DEPDC1B: variants seen among roughly 807,000 people sequenced by gnomAD.
The protein encoded by DEPDC1B is DEP domain containing 1B, also known as DEP domain-containing protein 1B.
DEPDC1B carries 51 observed loss-of-function variants against 66.5 expected under a neutral mutation model. The observed-to-expected ratio is 0.77, with a 90% CI of 0.61 to 0.97. The LOEUF is 0.97. Among genes scored for constraint, DEPDC1B ranks in the 50% least tolerant of loss-of-function variants. The pLI, the probability that DEPDC1B is intolerant of heterozygous loss-of-function variation, is 0.00. For missense variants in DEPDC1B, 552 were observed against 637.1 expected (o/e 0.87, Z 1.44); for synonymous variants, 226 against 223.6 (o/e 1.01, Z -0.10).
At chr5:60,696,181 T>C (rs551262440) in intron 1 of DEPDC1B, among the ~76,000 whole-genome samples, 1 of 152,336 alleles carries the variant, frequency 6.6e-6, no homozygotes, top group East Asian at 1.9e-4. Flanking sequence ...CAGCATGAGC[T>C]TTCAATTCAT....
intron 8 of DEPDC1B, among the ~76,000 whole-genome samples, chr5:60,605,179 T>C (rs1163136291): frequency 1.3e-5 from 2 of 152,198 alleles, no homozygotes; most frequent in Admixed American, 6.5e-5. Context: ...AAATAGATGT[T>C]GGTCAAAGGG....
Position 60,700,033 on chromosome 5 carries a change from C to T in DEPDC1B, c.48+13G>A, listed in dbSNP as rs1285140549. The T allele has an allele frequency of 1.9e-6, 3 of 1,552,974 alleles. No individual in the cohort carries two copies. In the South Asian group the frequency reaches 3.6e-5, roughly 18 times the overall value. On this transcript the variant is annotated intron_variant, in intron 1 of 10. Coordinates refer to ENST00000265036, the MANE Select transcript of DEPDC1B (RefSeq NM_018369.3). ...ACCGGGTGCTCCGCCCAGGCCCCAG[C>T]ACACTCACTCACCAGCCTGGTAGCT... is the stretch of plus-strand genomic sequence containing the variant.
intron 3 of DEPDC1B, among the ~76,000 whole-genome samples, chr5:60,647,184 C>A (rs1238181122): frequency 2.0e-5 from 3 of 151,342 alleles, no homozygotes; most frequent in African/African-American, 7.3e-5. Flanking sequence ...CTGCCCTAAA[C>A]AATACAGTAC....
At chr5:60,643,783 G>A (rs1753244949) in intron 5 of DEPDC1B, among the ~76,000 whole-genome samples, 2 of 152,080 alleles carry the variant, frequency 1.3e-5, no homozygotes, top group African/African-American at 4.8e-5. Flanking sequence ...AACTCATAAA[G>A]TCACCACAAA....
intron 10 of DEPDC1B, 43 bp from the exon 11 acceptor site, chr5:60,597,957 A>G: frequency 6.7e-7 from 1 of 1,493,090 alleles, no homozygotes; most frequent in Non-Finnish European, 8.9e-7. Context: ...AAAGACACAT[A>G]AAAGCCAATA....
At chr5:60,660,065 G>A (rs965617049) in intron 2 of DEPDC1B, among the ~76,000 whole-genome samples, 3 of 152,108 alleles carry the variant, frequency 2.0e-5, no homozygotes, top group Non-Finnish European at 2.9e-5. Context: ...ACAGGGAGGC[G>A]CGTATTCCTA....
chr5:60,623,374 T>G (rs1752749596), intron 7 of DEPDC1B, among the ~76,000 whole-genome samples: 1 of 152,122 alleles, frequency 6.6e-6, no homozygotes. Flanking sequence ...TCAATATACT[T>G]TACAGGAAGA....
At chr5:60,644,929 C>A in intron 4 of DEPDC1B, 54 bp from the exon 5 acceptor site, 2 of 1,376,428 alleles carry the variant, frequency 1.5e-6, no homozygotes, top group African/African-American at 3.0e-5. Context: ...TATATTTACT[C>A]AAAAACCTGG....
At position 60,667,884 on chromosome 5, in the gene DEPDC1B, T is replaced by TATATAAAAA. The variant is rs1184840468; in HGVS notation, c.314+19077_314+19078insTTTTTATAT. Among the ~76,000 whole-genome samples the TATATAAAAA allele has an allele frequency of 2.0e-4, 18 of 88,252 alleles. 6 individuals are homozygous for TATATAAAAA. Among genetic ancestry groups the TATATAAAAA allele is most frequent in the Non-Finnish European group, 3.4e-4 (15 of 43,502 alleles). 57.9% of individuals were successfully genotyped at this position (88,252 alleles called of 152,430 possible). A position where few individuals can be genotyped will look rare whatever the true frequency, so the allele number is the denominator to read the frequency against. ...ATGTAAAAAATGGATATTTTACATA[T>TATATAAAAA]ATGTAAAAAATGGATATTTTATATA... On this transcript the variant is annotated intron_variant, in intron 2 of 10. Transcript: ENST00000265036.
chr5:60,681,891 C>T (rs1227539976), intron 2 of DEPDC1B, among the ~76,000 whole-genome samples: 1 of 151,618 alleles, frequency 6.6e-6, no homozygotes, highest in Non-Finnish European at 1.5e-5. Flanking sequence ...GCTATAGGTA[C>T]ACACCACCAC....
At chr5:60,654,713 G>A (rs982772687) in intron 2 of DEPDC1B, among the ~76,000 whole-genome samples, 1 of 148,662 alleles carries the variant, frequency 6.7e-6, no homozygotes, top group African/African-American at 2.5e-5. Flanking sequence ...CCAGTTCTCA[G>A]GGGGAATGCT....
At chr5:60,616,038 G>T (rs182088429) in intron 7 of DEPDC1B, among the ~76,000 whole-genome samples, 1 of 152,194 alleles carries the variant, frequency 6.6e-6, no homozygotes, top group African/African-American at 2.4e-5. Context: ...ACAGGGTCTG[G>T]AGTGGACCTC....
intron 5 of DEPDC1B, among the ~76,000 whole-genome samples, chr5:60,643,611 TCTTA>T (rs1753240634): frequency 6.6e-6 from 1 of 152,248 alleles, no homozygotes; most frequent in African/African-American, 2.4e-5. Context: ...TTTCTTAAGA[TCTTA>T]CTTAATAAAA....
At chr5:60,639,466 T>A (rs1584054088) in intron 6 of DEPDC1B, among the ~76,000 whole-genome samples, 1 of 152,372 alleles carries the variant, frequency 6.6e-6, no homozygotes, top group East Asian at 1.9e-4. Context: ...TTATATTTTG[T>A]CTTAATTCAC....
At chr5:60,677,324 A>ACTCTCTCTCTCTCTCTCTCT (rs753946184) in intron 2 of DEPDC1B, among the ~76,000 whole-genome samples, 1 of 78,792 alleles carries the variant, frequency 1.3e-5, no homozygotes, top group African/African-American at 6.7e-5. Context: ...ACACACACAC[A>ACTCTCTCTCTCTCTCTCTCT]CACTCTCTCT....
intron 1 of DEPDC1B, among the ~76,000 whole-genome samples, chr5:60,690,884 T>C (rs1008226180): frequency 6.6e-6 from 1 of 152,188 alleles, no homozygotes; most frequent in African/African-American, 2.4e-5. Context: ...TCTTTTATTT[T>C]TGATGGCTAA....
At chr5:60,642,181 G>C (rs1753206287) in intron 6 of DEPDC1B, among the ~76,000 whole-genome samples, 1 of 152,168 alleles carries the variant, frequency 6.6e-6, no homozygotes, top group Admixed American at 6.5e-5. Flanking sequence ...TGGTATCTGT[G>C]AGACTCAAAA....
At chr5:60,633,960 T>C (rs1437804687) in intron 7 of DEPDC1B, among the ~76,000 whole-genome samples, 1 of 152,136 alleles carries the variant, frequency 6.6e-6, no homozygotes, top group Non-Finnish European at 1.5e-5. Flanking sequence ...AAGCACAATG[T>C]TGGGTGTGTG....
At chr5:60,685,580 C>T (rs1210324452) in intron 2 of DEPDC1B, among the ~76,000 whole-genome samples, 4 of 151,982 alleles carry the variant, frequency 2.6e-5, no homozygotes, top group Non-Finnish European at 4.4e-5. Context: ...GCTGGGTAGT[C>T]GGCTCCTATT....
Sources: allele counts gnomAD v4.1 joint callset (sites outside exome capture counted in the v4.1 genomes callset), GRCh38; gene constraint gnomAD v4.1.1; transcripts MANE v1.5; gene names NCBI Gene and HGNC (gene_info 2026-07-23, HGNC 2026-07-21).